The following LRBA variants were observed in gnomAD, a reference collection of about 807,000 sequenced individuals.
LRBA encodes the protein LPS responsive beige-like anchor protein.
In LRBA, 176 loss-of-function variants were observed where a neutral mutation model predicts 330.0. The observed-to-expected ratio is 0.53, with a 90% CI of 0.47 to 0.60. The LOEUF (loss-of-function observed/expected upper bound fraction) is 0.60. Ranked by LOEUF, LRBA falls within the 20% of genes least tolerant of loss-of-function variation. LRBA has a pLI of 0.00. For missense variants in LRBA, 3,259 were observed against 3,444.8 expected (o/e 0.95, Z 1.35); for synonymous variants, 1,230 against 1,193.0 (o/e 1.03, Z -0.64).
intron 39 of LRBA, 103 bp downstream of exon 39, chr4:150,590,610 G>T: frequency 1.1e-6 from 1 of 910,598 alleles, no homozygotes; most frequent in Non-Finnish European, 1.7e-6. Context: ...TGTAATTGTG[G>T]GTATAAACTT....
At chr4:150,736,869 T>A (rs2127147286) in intron 35 of LRBA, among the ~76,000 whole-genome samples, 1 of 152,218 alleles carries the variant, frequency 6.6e-6, no homozygotes, top group Admixed American at 6.6e-5. Context: ...ACAATAAGCC[T>A]AATGGAAGCC....
intron 40 of LRBA, among the ~76,000 whole-genome samples, chr4:150,494,247 T>C (rs180759137): frequency 9.2e-5 from 14 of 152,212 alleles, no homozygotes; most frequent in Non-Finnish European, 4.4e-5. Context: ...TAAGAAAGGG[T>C]TAAATATCTG....
At chr4:150,964,099 G>A (rs923383579) in intron 2 of LRBA, among the ~76,000 whole-genome samples, 1 of 146,078 alleles carries the variant, frequency 6.8e-6, no homozygotes, top group East Asian at 2.0e-4. Flanking sequence ...GAGCGTCTCC[G>A]CCCGGCAGCC....
chr4:150,555,762 C>T (rs943155416), intron 40 of LRBA, among the ~76,000 whole-genome samples: 1 of 149,966 alleles, frequency 6.7e-6, no homozygotes, highest in African/African-American at 2.5e-5. Context: ...TAAAAACACA[C>T]ACACACACAC....
chr4:150,357,429 A>T (rs1738013659), intron 47 of LRBA, among the ~76,000 whole-genome samples: 2 of 152,004 alleles, frequency 1.3e-5, no homozygotes, highest in African/African-American at 4.8e-5. Flanking sequence ...GATTAGACAA[A>T]CTTGTACAAT....
intron 2 of LRBA, among the ~76,000 whole-genome samples, chr4:150,945,825 A>T (rs1435296008): frequency 6.6e-6 from 1 of 150,732 alleles, no homozygotes; most frequent in African/African-American, 2.4e-5. Flanking sequence ...TTTTAGATGG[A>T]GTCTCGCTTT....
chr4:150,528,394 G>A (rs1016556659), intron 40 of LRBA, among the ~76,000 whole-genome samples: 26 of 151,890 alleles, frequency 1.7e-4, no homozygotes, highest in African/African-American at 5.3e-4. Context: ...TTAGCTACTC[G>A]GGATGCTGAG....
intron 40 of LRBA, among the ~76,000 whole-genome samples, chr4:150,545,415 C>A (rs1008953599): frequency 4.6e-5 from 7 of 152,056 alleles, no homozygotes; most frequent in African/African-American, 1.7e-4. Context: ...TGAAACCTAT[C>A]AGTTAAATTC....
At chr4:150,488,388 G>A (rs947927921) in intron 41 of LRBA, among the ~76,000 whole-genome samples, 1 of 151,476 alleles carries the variant, frequency 6.6e-6, no homozygotes, top group Non-Finnish European at 1.5e-5. Context: ...ATGTTCAAAT[G>A]AGCAAATGTT....
At chr4:150,554,470 T>C (rs563420205) in intron 40 of LRBA, among the ~76,000 whole-genome samples, 1 of 152,308 alleles carries the variant, frequency 6.6e-6, no homozygotes, top group African/African-American at 2.4e-5. Context: ...AAGGAATATC[T>C]GTTATTTTGC....
In LRBA at chr4:150,472,122, TTAAA is replaced by T. The variant is rs1185556394; in HGVS notation, c.6552-387_6552-384del. ...GTCTTTATTAATTGTAATAGTTATCTTAAATGAACACATTTTTACATTATAAATT... is the reference window on the plus strand; with the variant it reads ...GTCTTTATTAATTGTAATAGTTATCTTGAACACATTTTTACATTATAAATT... On this transcript the variant is annotated intron_variant, in intron 42 of 56. Transcript: ENST00000651943. Among the ~76,000 whole-genome samples the T allele has an allele frequency of 2.6e-5, 4 of 152,096 alleles. No individual in the cohort carries two copies. In the South Asian group the frequency reaches 8.3e-4, roughly 31 times the overall value.
chr4:151,006,550 A>C (rs1744095380), intron 2 of LRBA, among the ~76,000 whole-genome samples: 1 of 152,104 alleles, frequency 6.6e-6, no homozygotes, highest in Admixed American at 6.6e-5. Flanking sequence ...TGTTTCAACC[A>C]TATAAAAACT....
Position 150,588,072 on chromosome 4 carries a change from A to G in LRBA, c.6306T>C (p.Pro2102=). Residue 2102 remains proline (P), a synonymous_variant, in exon 40 of 57, where the codon CCT becomes CCC. Coordinates refer to ENST00000651943, the MANE Select transcript of LRBA (RefSeq NM_001364905.1). ...CCTTGGGGTCGATTTTTTTGAAGTTAGGATCCTCTTCATCCACCTCAAAAT... is the reference window on the plus strand; with the variant it reads ...CCTTGGGGTCGATTTTTTTGAAGTTGGGATCCTCTTCATCCACCTCAAAAT... ...ELYFEVDEED[P]NFKKIDPKIL... 1 of 1,612,400 alleles carries G rather than the reference A, an allele frequency of 6.2e-7. No homozygotes were observed. The highest frequency in any genetic ancestry group is 8.5e-7 in the Non-Finnish European group (1 of 1,179,166).
intron 2 of LRBA, among the ~76,000 whole-genome samples, chr4:151,001,147 A>G (rs1057398668): frequency 6.6e-6 from 1 of 152,226 alleles, no homozygotes; most frequent in Non-Finnish European, 1.5e-5. Context: ...AACCCAGCCC[A>G]CAACAGACTG....
At position 150,739,599 on chromosome 4, in the gene LRBA, G is replaced by A. The variant is rs532618924; in HGVS notation, c.5646-4233C>T. ...GGCTTGCCTCGAAGCAAGAAAATATGGCAACAATGAAGGAATAACACTTCA... is the reference window on the plus strand; with the variant it reads ...GGCTTGCCTCGAAGCAAGAAAATATAGCAACAATGAAGGAATAACACTTCA... On this transcript the variant is annotated intron_variant, in intron 35 of 56. Coordinates refer to ENST00000651943, the MANE Select transcript of LRBA (RefSeq NM_001364905.1). 6.6e-5 allele frequency among the ~76,000 whole-genome samples: 10 copies of A among 152,226 alleles called. 1 individual carries two copies. In the South Asian group the frequency reaches 2.1e-3, roughly 32 times the overall value.
At chr4:150,549,385 G>A (rs1407662121) in intron 40 of LRBA, among the ~76,000 whole-genome samples, 2 of 151,162 alleles carry the variant, frequency 1.3e-5, no homozygotes, top group African/African-American at 4.9e-5. Context: ...ATGCTGCAGT[G>A]CAGTGGCACT....
intron 9 of LRBA, among the ~76,000 whole-genome samples, chr4:150,911,008 T>C (rs567686044): frequency 2.6e-5 from 4 of 152,188 alleles, no homozygotes; most frequent in Non-Finnish European, 4.4e-5. Context: ...TTATTACTAA[T>C]AGAAACACAA....
intron 17 of LRBA, among the ~76,000 whole-genome samples, chr4:150,885,513 T>A (rs1324436295): frequency 6.6e-6 from 1 of 151,838 alleles, no homozygotes; most frequent in Non-Finnish European, 1.5e-5. Context: ...CCCAGCTACT[T>A]GGGAGGCTGA....
chr4:150,912,141 T>C (rs1271547801), intron 9 of LRBA, among the ~76,000 whole-genome samples: 4 of 152,178 alleles, frequency 2.6e-5, no homozygotes, highest in Admixed American at 1.3e-4. Context: ...AAAAAAACTG[T>C]TAGTTTCACT....
Sources: allele counts gnomAD v4.1 joint callset (sites outside exome capture counted in the v4.1 genomes callset), GRCh38; gene constraint gnomAD v4.1.1; transcripts MANE v1.5; gene names NCBI Gene and HGNC (gene_info 2026-07-23, HGNC 2026-07-21).